PKN3: variants seen among roughly 807,000 people sequenced by gnomAD.
PKN3 encodes serine/threonine-protein kinase N3.
Under a neutral mutation model 113.1 loss-of-function variants are expected in PKN3, and 91 were observed. The observed-to-expected ratio is 0.80, with a 90% CI of 0.68 to 0.96. PKN3 has a LOEUF of 0.96. Ranked by LOEUF, PKN3 falls within the 40% of genes least tolerant of loss-of-function variation. PKN3 has a pLI of 0.00. For synonymous variants in PKN3, 467 were observed against 499.0 expected (o/e 0.94, Z 0.85); for missense variants, 1,052 against 1,202.2 (o/e 0.88, Z 1.85).
intron 11 of PKN3, 43 bp downstream of exon 11, chr9:128,714,408 G>A (rs112902229): frequency 3.7e-5 from 57 of 1,531,720 alleles, no homozygotes; most frequent in African/African-American, 1.9e-4. Context: ...CCTCTGTGGC[G>A]GCTTCCTGAC....
rs574891762 is a variant in PKN3, at chr9:128,720,590, G to A, written c.2654G>A (p.Arg885Gln). The part of the protein sequence containing the change: ...AFRDFDFVSE[R>Q]FLEP ...CGGGACTTCGACTTTGTGTCAGAGCGATTCCTGGAACCCTGAGGGCATCTC... is the reference window on the plus strand; with the variant it reads ...CGGGACTTCGACTTTGTGTCAGAGCAATTCCTGGAACCCTGAGGGCATCTC... Residue 885 changes from arginine to glutamine, a missense_variant, in exon 22 of 22, where the codon CGA becomes CAA. By Grantham distance (43) the Arg-to-Gln change is conservative. This residue lies in a region of PKN3 where 333 missense variants were observed against 442.8 expected (regional missense o/e 0.75). Transcript: ENST00000291906. This position sits in a 1 kb window ranked among gnomAD's most constrained non-coding sequence, Gnocchi z 5.5. 4.3e-6 allele frequency: 7 copies of A among 1,613,128 alleles called. No homozygotes were observed. Among genetic ancestry groups the A allele is most frequent in the East Asian group, 2.2e-5 (1 of 44,874 alleles).
chr9:128,705,166 G>C (rs1034805932), intron 1 of PKN3, 137 bp from the exon 2 acceptor site: 84 of 1,106,578 alleles, frequency 7.6e-5, no homozygotes, highest in Non-Finnish European at 3.6e-5. Context: ...TAAGGGGAGA[G>C]AGGCTTCCAA....
In PKN3 at chr9:128,707,395, C is replaced by T. The variant is rs144132484; in HGVS notation, c.825C>T (p.Thr275=). The T allele has an allele frequency of 2.5e-4, 408 of 1,606,764 alleles. No homozygotes were observed. Among genetic ancestry groups the T allele is most frequent in the African/African-American group, 2.2e-3 (166 of 74,912 alleles). The stretch of plus-strand genomic sequence containing the variant: ...CTTCAGGGACACCTGTGAAGCCCAC[C>T]GCCCTAACAGGTAGTCAGAAGTTCC... ...PQPSGTPVKP[T]ALTGTLQVRL... is the part of the protein sequence containing the mutation. The change falls in exon 6 of 22, where the codon ACC becomes ACT. Residue 275 remains threonine (T), a synonymous_variant. Coordinates refer to ENST00000291906, the MANE Select transcript of PKN3 (RefSeq NM_013355.5).
At chr9:128,717,113 G>GTTT (rs1554781180) in intron 16 of PKN3, among the ~76,000 whole-genome samples, 190 bp downstream of exon 16, 7 of 14,430 alleles carry the variant, frequency 4.9e-4, no homozygotes, top group Admixed American at 1.9e-3. Flanking sequence ...TGTGCATTAG[G>GTTT]TTTCTTTTTT....
At chr9:128,713,246 G>T in intron 7 of PKN3, 32 bp from the exon 8 acceptor site, 2 of 1,612,632 alleles carry the variant, frequency 1.2e-6, no homozygotes, top group African/African-American at 1.3e-5. Flanking sequence ...CCTGCTTCAG[G>T]CCTGCCCTGA....
chr9:128,712,327 C>T (rs188819304), intron 6 of PKN3, among the ~76,000 whole-genome samples: 34 of 152,346 alleles, frequency 2.2e-4, no homozygotes, highest in African/African-American at 7.9e-4. Flanking sequence ...GGGCCTGCTT[C>T]GTGTCCTCAA....
chr9:128,716,612 AAT>A, intron 15 of PKN3, 133 bp from the exon 16 acceptor site: 6 of 683,774 alleles, frequency 8.8e-6, no homozygotes, highest in African/African-American at 1.8e-5. Flanking sequence ...AAAAAAAAAA[AAT>A]GAAAAGAAAC....
At chr9:128,706,039 A>C (rs1168901813) in intron 3 of PKN3, among the ~76,000 whole-genome samples, 160 bp downstream of exon 3, 1 of 152,230 alleles carries the variant, frequency 6.6e-6, no homozygotes, top group African/African-American at 2.4e-5. Context: ...GCATGGCTGT[A>C]GTCTCTAGTG....
chr9:128,715,435 G>C lies in PKN3; in HGVS notation c.1783G>C (p.Val595Leu), dbSNP rs776918914. 1 of 1,613,960 alleles carries C rather than the reference G, an allele frequency of 6.2e-7. No homozygotes were observed. Among genetic ancestry groups the C allele is most frequent in the Non-Finnish European group, 8.5e-7 (1 of 1,179,994 alleles). ...CATCAAAGCACTGAAGAAGCAGGAG[G>C]TGCTCAGCCGGGACGAGATAGAGAG... is the stretch of plus-strand genomic sequence containing the variant. ...YAIKALKKQEVLSRDEIESLY... is the reference protein window; with the variant it reads ...YAIKALKKQELLSRDEIESLY... Residue 595 changes from valine (V) to leucine (L), a missense_variant, in exon 15 of 22, where the codon GTG (valine) becomes CTG (leucine). By Grantham distance (32) the Val-to-Leu change is conservative (BLOSUM62 1). Coordinates refer to ENST00000291906, the MANE Select transcript of PKN3 (RefSeq NM_013355.5). The surrounding 1 kb of genome is among the most constrained non-coding windows in gnomAD (Gnocchi z 4.1).
In PKN3 at chr9:128,705,529, G is replaced by A. The variant is rs553989365; in HGVS notation, c.251G>A (p.Gly84Glu). 3.9e-6 allele frequency: 6 copies of A among 1,556,554 alleles called. No homozygotes were observed. In the South Asian group the frequency reaches 7.1e-5, roughly 18 times the overall value. The change falls in exon 2 of 22, where the codon GGG becomes GAG. Residue 84 changes from glycine (G) to glutamate (E), a missense_variant. Around this residue, in one of 2 missense-constraint regions of PKN3, gnomAD observed 719 missense variants for 759.4 expected, o/e 0.95. Coordinates refer to ENST00000291906, the MANE Select transcript of PKN3 (RefSeq NM_013355.5). The part of the protein sequence containing the change: ...LHARILLPGP[G>E]PGPAEPVASG... ...GCCCGAATCCTGCTGCCCGGCCCTG[G>A]GCCTGGCCCAGCTGGTGAGTGAGGA...
Position 128,707,386 on chromosome 9 carries a change from G to C in PKN3, c.816G>C (p.Val272=). ...PGYPQPSGTP[V]KPTALTGTLQ... Reference sequence around the variant, plus strand: ...ACCCCCAGCCTTCAGGGACACCTGTGAAGCCCACCGCCCTAACAGGTAGTC... The same window carrying C: ...ACCCCCAGCCTTCAGGGACACCTGTCAAGCCCACCGCCCTAACAGGTAGTC... Residue 272 remains valine (V), a synonymous_variant, in exon 6 of 22, where the codon GTG becomes GTC. Transcript: ENST00000291906. The C allele has an allele frequency of 1.2e-6, 2 of 1,610,588 alleles. No homozygotes were observed. The highest frequency in any genetic ancestry group is 1.7e-6 in the Non-Finnish European group (2 of 1,178,402).
chr9:128,704,220 C>A lies in PKN3; in HGVS notation c.25-1083C>A, dbSNP rs1309108217. On this transcript the variant is annotated intron_variant, in intron 1 of 21. Coordinates refer to ENST00000291906, the MANE Select transcript of PKN3 (RefSeq NM_013355.5). ...CTTTGGCACCGGTTGGTTTGAAATG[C>A]TGGCGGCTGGAAAGGAGGTGTTCCT... 10 of 862,134 alleles carry A rather than the reference C, an allele frequency of 1.2e-5. No individual in the cohort carries two copies. In the East Asian group the frequency reaches 3.6e-4, roughly 31 times the overall value. The allele number at this position is 862,134 out of a possible 1,614,324, so 53.4% of individuals were successfully genotyped here.
Position 128,707,266 on chromosome 9 carries a change from G to A in PKN3, c.696G>A (p.Leu232=). The A allele has an allele frequency of 1.2e-6, 2 of 1,612,880 alleles. No homozygotes were observed. Among genetic ancestry groups the A allele is most frequent in the Non-Finnish European group, 1.7e-6 (2 of 1,179,182 alleles). The part of the protein sequence containing the change: ...LQESSQKLDL[L]RLALEQLLEQ... ...AGTCCTCTCAGAAACTGGACCTCCT[G>A]CGCCTGGCCTTGGAGCAGCTGCTGG... Residue 232 remains leucine (L), a synonymous_variant, in exon 6 of 22, where the codon CTG becomes CTA. Transcript: ENST00000291906.
At chr9:128,719,860 G>T in intron 19 of PKN3, 32 bp downstream of exon 19, 1 of 1,607,000 alleles carries the variant, frequency 6.2e-7, no homozygotes, top group South Asian at 1.1e-5. Flanking sequence ...CTGGGCCTCT[G>T]GGTGGGGGTG....
intron 16 of PKN3, among the ~76,000 whole-genome samples, chr9:128,718,034 C>G (rs1361493207): frequency 1.6e-5 from 2 of 123,904 alleles, no homozygotes; most frequent in African/African-American, 3.0e-5. Flanking sequence ...GACTCCGTCT[C>G]AAAAAAAAAA....
Position 128,716,759 on chromosome 9 carries a change from G to A in PKN3, c.1821G>A (p.Glu607=). 1 of 1,613,910 alleles carries A rather than the reference G, an allele frequency of 6.2e-7. No homozygotes were observed. ...CTCTCTCCTGTAGCCTGTACTGCGA[G>A]AAGCGGATCCTGGAGGCTGTGGGCT... ...SRDEIESLYC[E]KRILEAVGCT... The change falls in exon 16 of 22, where the codon GAG becomes GAA. Residue 607 remains glutamate, a synonymous_variant. Transcript: ENST00000291906.
intron 3 of PKN3, 108 bp downstream of exon 3, chr9:128,705,987 G>T: frequency 8.5e-7 from 1 of 1,181,750 alleles, no homozygotes; most frequent in East Asian, 2.6e-5. Flanking sequence ...CCTGCAGCCT[G>T]ATGGGGAAAA....
In PKN3 at chr9:128,703,492, C is replaced by T. The variant is rs1004663729; in HGVS notation, c.24+553C>T. The T allele has an allele frequency of 2.8e-5, 28 of 985,116 alleles. No homozygotes were observed. In the African/African-American group the frequency reaches 4.9e-4, roughly 17 times the overall value. 61.0% of individuals were successfully genotyped at this position (985,116 alleles called of 1,614,324 possible). A position where few individuals can be genotyped will look rare whatever the true frequency, so the allele number is the denominator to read the frequency against. On this transcript the variant is annotated intron_variant, in intron 1 of 21. Transcript: ENST00000291906. ...TGGGTACATAGCGGGTTCTAGAATG[C>T]GGAGGGGGCTGGGTTTCCTGCCAGA... is the stretch of plus-strand genomic sequence containing the variant.
chr9:128,719,794 T>G lies in PKN3; in HGVS notation c.2234T>G (p.Leu745Arg), dbSNP rs752159330. Residue 745 changes from leucine (L) to arginine (R), a missense_variant, in exon 19 of 22, where the codon CTG becomes CGG. Leu to Arg is a moderately radical substitution (Grantham distance 102). Transcript: ENST00000291906. ...ACACGGGCTGTGGACTGGTGGGGGC[T>G]GGGTGTGCTGCTCTACGAGATGCTG... The part of the protein sequence containing the change: ...AYTRAVDWWG[L>R]GVLLYEMLVG... 5.6e-6 allele frequency: 9 copies of G among 1,594,532 alleles called. No homozygotes were observed. The highest frequency in any genetic ancestry group is 7.7e-6 in the Non-Finnish European group (9 of 1,172,356).
Sources: allele counts gnomAD v4.1 joint callset (sites outside exome capture counted in the v4.1 genomes callset), GRCh38; gene constraint gnomAD v4.1.1; regional missense constraint gnomAD v4.1.1; non-coding constraint Gnocchi (gnomAD v3.1); transcripts MANE v1.5; gene names NCBI Gene and HGNC (gene_info 2026-07-23, HGNC 2026-07-21).